The following ADGRG4 variants were observed in gnomAD, a reference collection of about 807,000 sequenced individuals.
ADGRG4 encodes the protein G protein-coupled receptor 112.
A neutral mutation model predicts 126.2 loss-of-function variants in ADGRG4; 122 were observed. The ratio of observed to expected loss-of-function variants is 0.97; its 90% CI spans 0.83 to 1.12. The LOEUF (loss-of-function observed/expected upper bound fraction) is 1.12, where lower values mean the gene tolerates loss of function less well. ADGRG4 is among the 50% of genes most tolerant of loss of function. ADGRG4 has a pLI of 0.00. For missense variants in ADGRG4, 2,481 were observed against 2,251.8 expected (o/e 1.10, Z -2.06); for synonymous variants, 943 against 838.7 (o/e 1.12, Z -2.15).
intron 5 of ADGRG4, among the ~76,000 whole-genome samples, chrX:136,338,113 T>A (rs1310536302): frequency 9.1e-6 from 1 of 110,141 alleles, no homozygotes; most frequent in African/African-American, 3.3e-5. Flanking sequence ...CAGCTCGTCT[T>A]AAAAATTTGG....
At chrX:136,353,162 A>G (rs2075073275) in intron 7 of ADGRG4, among the ~76,000 whole-genome samples, 175 bp from the exon 8 acceptor site, 1 of 111,775 alleles carries the variant, frequency 8.9e-6, no homozygotes, top group Admixed American at 9.5e-5. Context: ...GAAAGACACA[A>G]TTCAGCCCAT....
At chrX:136,372,701 CAGTT>C (rs1191840960) in intron 14 of ADGRG4, among the ~76,000 whole-genome samples, 197 bp from the exon 15 acceptor site, 1 of 112,087 alleles carries the variant, frequency 8.9e-6, no homozygotes, top group African/African-American at 3.2e-5. Context: ...TTTGCCCACA[CAGTT>C]AGAAATTAGA....
rs965412609 is a variant in ADGRG4 at position 136,323,039 on chromosome X, G to A, written c.332G>A (p.Arg111His). 14 of 1,209,703 alleles carry A rather than the reference G, an allele frequency of 1.2e-5. No homozygotes were observed. Among genetic ancestry groups the A allele is most frequent in the Middle Eastern group, 2.3e-4 (1 of 4,373 alleles). ...AGATTGGGAAAGACCTTTTCTATCC[G>A]TCACCACCTGGCTTCATTTCAATGG... ...LYRLGKTFSI[R>H]HHLASFQWHT... Residue 111 changes from arginine to histidine, a missense_variant, in exon 5 of 26, where the codon CGT becomes CAT. By Grantham distance (29) the Arg-to-His change is conservative (BLOSUM62 0). Transcript: ENST00000394143.
chrX:136,362,647 T>C (rs1174981557), intron 12 of ADGRG4, among the ~76,000 whole-genome samples: 1 of 111,319 alleles, frequency 9.0e-6, no homozygotes, highest in East Asian at 2.8e-4. Flanking sequence ...CATTTGCTGT[T>C]CTGGGCTCAA....
At chrX:136,330,995 C>T (rs776205405) in intron 5 of ADGRG4, among the ~76,000 whole-genome samples, 1 of 110,351 alleles carries the variant, frequency 9.1e-6, no homozygotes, top group Admixed American at 9.7e-5. Flanking sequence ...CCCAAGTCCC[C>T]CTCTACCCTT....
intron 5 of ADGRG4, among the ~76,000 whole-genome samples, chrX:136,343,213 G>T (rs2074990705): frequency 9.1e-6 from 1 of 110,272 alleles, no homozygotes; most frequent in African/African-American, 3.3e-5. Context: ...GAGACAGAGA[G>T]TTGGAGCTTG....
At chrX:136,381,372 C>T (rs2075263169) in intron 15 of ADGRG4, among the ~76,000 whole-genome samples, 1 of 110,665 alleles carries the variant, frequency 9.0e-6, no homozygotes, top group South Asian at 3.9e-4. Context: ...CCACCTCAGC[C>T]TCCCGAGTAG....
intron 20 of ADGRG4, 151 bp from the exon 21 acceptor site, chrX:136,399,697 T>C: frequency 2.1e-6 from 1 of 472,707 alleles, no homozygotes; most frequent in South Asian, 4.2e-5. Flanking sequence ...TGCTTCGACT[T>C]TACCTGGAAA....
rs1392433083 is a variant in ADGRG4 at position 136,345,993 on chromosome X, A to G, written c.2287A>G (p.Thr763Ala). The G allele has an allele frequency of 1.7e-6, 2 of 1,208,787 alleles. No homozygotes were observed. The highest frequency in any genetic ancestry group is 2.2e-6 in the Non-Finnish European group (2 of 893,526). The change falls in exon 6 of 26, where the codon ACA (threonine) becomes GCA (alanine). Residue 763 changes from threonine to alanine, a missense_variant. By Grantham distance (58) the Thr-to-Ala change is moderately conservative (BLOSUM62 0). Transcript: ENST00000394143. ...TAAACTTACCACTTTACTACTAAAAACAATACCTATGTCTACAAAACCTGC... is the reference window on the plus strand; with the variant it reads ...TAAACTTACCACTTTACTACTAAAAGCAATACCTATGTCTACAAAACCTGC... ...EFKLTTLLLK[T>A]IPMSTKPANE...
intron 5 of ADGRG4, among the ~76,000 whole-genome samples, chrX:136,343,726 A>G (rs781157864): frequency 1.8e-4 from 20 of 112,301 alleles, no homozygotes; most frequent in African/African-American, 5.5e-4. Context: ...GACCAAGTGA[A>G]AGCCAACTGT....
intron 4 of ADGRG4, among the ~76,000 whole-genome samples, chrX:136,315,277 C>A (rs944946706): frequency 3.9e-4 from 43 of 110,167 alleles, no homozygotes; most frequent in African/African-American, 1.3e-3. Context: ...TTGATTATAT[C>A]TACTCAGACA....
At position 136,348,408 on chromosome X, in the gene ADGRG4, A is replaced by G. The variant is rs771835762; in HGVS notation, c.4702A>G (p.Asn1568Asp). The change falls in exon 6 of 26, where the codon AAT (asparagine) becomes GAT (aspartate). Residue 1568 changes from asparagine to aspartate, a missense_variant. Physicochemically the swap from Asn to Asp is conservative, Grantham distance 23. Transcript: ENST00000394143. ...PMSEMSSIPV[N>D]NSAFTPATVS... is the part of the protein sequence containing the mutation. ...GTCTGAGATGTCCTCAATACCAGTT[A>G]ATAACTCTGCTTTCACACCTGCAAC... is the stretch of plus-strand genomic sequence containing the variant. The G allele has an allele frequency of 2.2e-5, 27 of 1,207,425 alleles. No individual in the cohort carries two copies. In the South Asian group the frequency reaches 4.6e-4, roughly 20 times the overall value.
chrX:136,360,288 A>G (rs1158562050), intron 11 of ADGRG4, among the ~76,000 whole-genome samples: 1 of 111,696 alleles, frequency 9.0e-6, no homozygotes, highest in African/African-American at 3.3e-5. Context: ...CCTGAGGGAA[A>G]TATTTCCAGA....
At chrX:136,377,128 T>G (rs749324508) in intron 15 of ADGRG4, among the ~76,000 whole-genome samples, 7 of 109,607 alleles carry the variant, frequency 6.4e-5, no homozygotes. Flanking sequence ...CTCAATAATG[T>G]CTTTCAATGA....
At chrX:136,316,338 A>T (rs1342460414) in intron 4 of ADGRG4, among the ~76,000 whole-genome samples, 3 of 111,012 alleles carry the variant, frequency 2.7e-5, no homozygotes, top group Non-Finnish European at 3.8e-5. Context: ...CCTGTATAGG[A>T]TATGTCTGAT....
intron 15 of ADGRG4, among the ~76,000 whole-genome samples, chrX:136,380,352 T>C (rs1205025458): frequency 9.0e-6 from 1 of 111,546 alleles, no homozygotes; most frequent in African/African-American, 3.3e-5. Context: ...CCTTTATTTT[T>C]GATAGTATAG....
chrX:136,396,947 C>G (rs2075352751), intron 19 of ADGRG4, among the ~76,000 whole-genome samples: 1 of 110,280 alleles, frequency 9.1e-6, no homozygotes, highest in Non-Finnish European at 1.9e-5. Context: ...CACCACCACA[C>G]CCAGCTAACT....
chrX:136,339,527 C>A (rs2074967303), intron 5 of ADGRG4, among the ~76,000 whole-genome samples: 1 of 111,888 alleles, frequency 8.9e-6, no homozygotes. Context: ...GTCAGAGGGA[C>A]TCCCATTTGA....
chrX:136,339,528 T>A (rs2148461322), intron 5 of ADGRG4, among the ~76,000 whole-genome samples: 1 of 111,876 alleles, frequency 8.9e-6, no homozygotes, highest in South Asian at 3.8e-4. Flanking sequence ...TCAGAGGGAC[T>A]CCCATTTGAT....
Sources: gnomAD v4.1 joint callset for allele counts (sites outside exome capture counted in the v4.1 genomes callset) on GRCh38, gnomAD v4.1.1 for gene constraint, MANE v1.5 for transcripts, NCBI Gene and HGNC (gene_info 2026-07-23, HGNC 2026-07-21) for gene names.